Variants in SPATA17 observed in about 807,000 individuals in gnomAD.
The protein encoded by SPATA17 is spermatogenesis-associated protein 17.
SPATA17 carries 53 observed loss-of-function variants against 62.2 expected under a neutral mutation model. The ratio of observed to expected loss-of-function variants is 0.85; its 90% confidence interval spans 0.68 to 1.07. The LOEUF (loss-of-function observed/expected upper bound fraction) is 1.07. Ranked by LOEUF, SPATA17 falls within the 50% of genes least tolerant of loss-of-function variation. The probability of loss-of-function intolerance (pLI) is 0.00; values close to 1 mark genes in which losing one functional copy is unlikely to be tolerated. For missense variants in SPATA17, 466 were observed against 425.5 expected (o/e 1.10, Z -0.84); for synonymous variants, 146 against 146.8 (o/e 0.99, Z 0.04).
At chr1:217,822,917 C>T (rs1304780202) in intron 9 of SPATA17, among the ~76,000 whole-genome samples, 1 of 151,626 alleles carries the variant, frequency 6.6e-6, no homozygotes, top group Non-Finnish European at 1.5e-5. Context: ...TATATATTCA[C>T]TGTCAATAAT....
chr1:217,798,426 C>G (rs1406852810), intron 8 of SPATA17, among the ~76,000 whole-genome samples: 1 of 152,104 alleles, frequency 6.6e-6, no homozygotes, highest in African/African-American at 2.4e-5. Flanking sequence ...TTTCTCTTTT[C>G]CCACCTGAAA....
intron 10 of SPATA17, among the ~76,000 whole-genome samples, chr1:217,865,282 G>A (rs11811799): frequency 3.9e-5 from 6 of 152,088 alleles, no homozygotes; most frequent in East Asian, 1.9e-4. Context: ...TAATTCACCC[G>A]ACATCGCCTT....
At chr1:217,820,495 T>C (rs1449726462) in intron 9 of SPATA17, among the ~76,000 whole-genome samples, 1 of 151,778 alleles carries the variant, frequency 6.6e-6, no homozygotes, top group South Asian at 2.1e-4. Context: ...TTGAGTATGA[T>C]GTTTTCTGAT....
chr1:217,864,228 A>G (rs1345732114), intron 10 of SPATA17, among the ~76,000 whole-genome samples: 1 of 152,192 alleles, frequency 6.6e-6, no homozygotes, highest in Non-Finnish European at 1.5e-5. Flanking sequence ...AAAATGTCTC[A>G]TATTTGTGTA....
intron 8 of SPATA17, among the ~76,000 whole-genome samples, chr1:217,798,670 T>A (rs1674218195): frequency 1.3e-5 from 2 of 152,104 alleles, no homozygotes; most frequent in South Asian, 4.1e-4. Context: ...AAGTCAGCCC[T>A]CCAAAGAGAG....
At chr1:217,650,998 G>C (rs541165877) in intron 2 of SPATA17, 99 bp from the exon 3 acceptor site, 8 of 882,206 alleles carry the variant, frequency 9.1e-6, no homozygotes, top group Non-Finnish European at 1.4e-5. Context: ...ACTTGGCTTT[G>C]AATTTGAATT....
chr1:217,701,264 G>A (rs776462191), intron 5 of SPATA17, among the ~76,000 whole-genome samples: 81 of 151,232 alleles, frequency 5.4e-4, no homozygotes, highest in Middle Eastern at 3.5e-3. Context: ...ATGAGCCGCC[G>A]CACCTGGCCT....
At chr1:217,768,956 C>A (rs1558042817) in intron 6 of SPATA17, among the ~76,000 whole-genome samples, 1 of 152,248 alleles carries the variant, frequency 6.6e-6, no homozygotes. Flanking sequence ...CCTTCCACCC[C>A]CGCCACTGAG....
chr1:217,777,342 C>G (rs1673619135), intron 7 of SPATA17, among the ~76,000 whole-genome samples: 1 of 152,064 alleles, frequency 6.6e-6, no homozygotes, highest in Admixed American at 6.6e-5. Flanking sequence ...GTCAGTTTCC[C>G]CCTTGGACCG....
chr1:217,816,836 G>C (rs1384948165), intron 9 of SPATA17, among the ~76,000 whole-genome samples: 5 of 151,918 alleles, frequency 3.3e-5, no homozygotes, highest in Non-Finnish European at 7.4e-5. Flanking sequence ...AACCATCCTT[G>C]TATTCCTGGC....
At position 217,871,313 on chromosome 1, in the gene SPATA17, T is replaced by C. The variant is rs1363601648; in HGVS notation, c.*4294T>C. 5.3e-5 allele frequency: 8 copies of C among 152,202 alleles called. No individual in the cohort carries two copies. Among genetic ancestry groups the C allele is most frequent in the African/African-American group, 1.7e-4 (7 of 41,456 alleles). The allele number at this position is 152,202 out of a possible 1,614,324, so 9.4% of individuals were successfully genotyped here. A position where few individuals can be genotyped will look rare whatever the true frequency, so the allele number is the denominator to read the frequency against. On this transcript the variant is annotated 3_prime_UTR_variant, in exon 11 of 11. Transcript: ENST00000366933. ...TTTTTGCTCTGTTTTTTCACATTTATGGCCTACCTGTTACAGCTGCACGGT... is the reference window on the plus strand; with the variant it reads ...TTTTTGCTCTGTTTTTTCACATTTACGGCCTACCTGTTACAGCTGCACGGT...
At chr1:217,795,362 CTTTTT>C (rs71560537) in intron 8 of SPATA17, among the ~76,000 whole-genome samples, 11 of 69,548 alleles carry the variant, frequency 1.6e-4, no homozygotes, top group African/African-American at 6.2e-4. Flanking sequence ...ACAAAAGTCT[CTTTTT>C]TTTTTTTTTT....
At chr1:217,637,898 A>G (rs1016670541) in intron 1 of SPATA17, among the ~76,000 whole-genome samples, 1 of 152,144 alleles carries the variant, frequency 6.6e-6, no homozygotes, top group Non-Finnish European at 1.5e-5. Context: ...TAAACTTTTA[A>G]ACTTATATTC....
intron 6 of SPATA17, among the ~76,000 whole-genome samples, chr1:217,755,970 C>T (rs1372709911): frequency 1.3e-5 from 2 of 151,938 alleles, no homozygotes; most frequent in Non-Finnish European, 2.9e-5. Flanking sequence ...TTTCCCCCTT[C>T]TATGTCTTAA....
intron 1 of SPATA17, 143 bp downstream of exon 1, chr1:217,631,589 C>G: frequency 2.5e-6 from 2 of 793,210 alleles, no homozygotes; most frequent in East Asian, 5.3e-5. Context: ...GGGCTGCAAA[C>G]ATAATTGGGA....
chr1:217,813,022 G>A (rs1000288199), intron 9 of SPATA17, among the ~76,000 whole-genome samples: 5 of 152,064 alleles, frequency 3.3e-5, no homozygotes, highest in African/African-American at 1.2e-4. Context: ...ATGCATTTTG[G>A]TCCTAAACAG....
At chr1:217,681,405 G>A (rs1433927054) in intron 4 of SPATA17, among the ~76,000 whole-genome samples, 4 of 151,458 alleles carry the variant, frequency 2.6e-5, no homozygotes, top group East Asian at 2.0e-4. Context: ...ACCGAGTCTC[G>A]CTCTGTCGCC....
chr1:217,656,546 A>ATATGTATGTATGTATGTATGTATG (rs34179742), intron 3 of SPATA17, among the ~76,000 whole-genome samples: 1 of 150,508 alleles, frequency 6.6e-6, no homozygotes, highest in Non-Finnish European at 1.5e-5. Flanking sequence ...TAGGTCTGAT[A>ATATGTATGTATGTATGTATGTATG]TATGTATGTA....
At chr1:217,724,875 A>G (rs1345916886) in intron 5 of SPATA17, among the ~76,000 whole-genome samples, 1 of 152,112 alleles carries the variant, frequency 6.6e-6, no homozygotes, top group Non-Finnish European at 1.5e-5. Context: ...AAAGCCCTAT[A>G]TATGTTAAGG....
Sources: gnomAD v4.1 joint callset for allele counts (sites outside exome capture counted in the v4.1 genomes callset) on GRCh38, gnomAD v4.1.1 for gene constraint, MANE v1.5 for transcripts, NCBI Gene and HGNC (gene_info 2026-07-23, HGNC 2026-07-21) for gene names.